Variants in PLEKHM3 observed in about 807,000 individuals in gnomAD.
The protein encoded by PLEKHM3 is pleckstrin homology domain containing M3, also known as pleckstrin homology domain-containing family M member 3.
Under a neutral mutation model 81.8 loss-of-function variants are expected in PLEKHM3, and 45 were observed. The observed-to-expected ratio is 0.55, with a 90% CI of 0.43 to 0.71. The LOEUF (loss-of-function observed/expected upper bound fraction) is 0.71. Ranked by LOEUF, PLEKHM3 falls within the 30% of genes least tolerant of loss-of-function variation. The pLI is 0.00. For synonymous variants in PLEKHM3, 352 were observed against 356.4 expected (o/e 0.99, Z 0.14); for missense variants, 788 against 924.3 (o/e 0.85, Z 1.91).
intron 7 of PLEKHM3, among the ~76,000 whole-genome samples, chr2:207,846,944 A>G (rs2092386470): frequency 6.6e-6 from 1 of 152,188 alleles, no homozygotes; most frequent in Admixed American, 6.5e-5. Context: ...CAAATTTTCT[A>G]TAATAAATAT....
chr2:207,873,974 T>C (rs1304235338), intron 6 of PLEKHM3, among the ~76,000 whole-genome samples: 1 of 152,216 alleles, frequency 6.6e-6, no homozygotes, highest in East Asian at 1.9e-4. Flanking sequence ...TTTATTAGCC[T>C]GTATATCATT....
At chr2:208,022,916 CT>C (rs1198850836) in intron 1 of PLEKHM3, among the ~76,000 whole-genome samples, 1 of 152,114 alleles carries the variant, frequency 6.6e-6, no homozygotes, top group African/African-American at 2.4e-5. Context: ...GGTGTTGTTT[CT>C]TATCATTTGT....
In PLEKHM3 at chr2:207,872,758, C is replaced by T. The variant is rs184951153; in HGVS notation, c.1951-11496G>A. Among the ~76,000 whole-genome samples, 446 of 152,252 alleles carry T rather than the reference C, an allele frequency of 2.9e-3. 2 individuals carry two copies. The highest frequency in any genetic ancestry group is 0.01 in the African/African-American group (424 of 41,534). The stretch of plus-strand genomic sequence containing the variant: ...AGGAGAATCACTTGAACCCGGGAGG[C>T]GGAGGTTGCAGTGAGCCAAGATCGC... On this transcript the variant is annotated intron_variant, in intron 6 of 7. Coordinates refer to ENST00000427836, the MANE Select transcript of PLEKHM3 (RefSeq NM_001080475.3).
chr2:207,935,350 G>A (rs1689715643), intron 4 of PLEKHM3, among the ~76,000 whole-genome samples: 1 of 152,198 alleles, frequency 6.6e-6, no homozygotes, highest in Non-Finnish European at 1.5e-5. Context: ...TGCACATGAT[G>A]CATGGGCGGT....
At chr2:207,855,099 A>G (rs1407296638) in intron 7 of PLEKHM3, among the ~76,000 whole-genome samples, 3 of 152,214 alleles carry the variant, frequency 2.0e-5, no homozygotes, top group African/African-American at 7.2e-5. Flanking sequence ...TTATTCTTTA[A>G]CAAAAGAAAC....
chr2:207,904,278 C>T (rs1404507922), intron 6 of PLEKHM3, among the ~76,000 whole-genome samples: 1 of 152,050 alleles, frequency 6.6e-6, no homozygotes, highest in African/African-American at 2.4e-5. Context: ...GTTTGCAGAA[C>T]AGAAATTCAC....
chr2:207,860,148 C>CGTGTGT (rs1352983342), intron 7 of PLEKHM3, among the ~76,000 whole-genome samples: 3 of 58,108 alleles, frequency 5.2e-5, no homozygotes, highest in African/African-American at 2.1e-4. Flanking sequence ...CTGAACTCTG[C>CGTGTGT]CTCTGTGTGT....
At chr2:207,921,018 T>C (rs906978529) in intron 5 of PLEKHM3, among the ~76,000 whole-genome samples, 1 of 151,986 alleles carries the variant, frequency 6.6e-6, no homozygotes, top group African/African-American at 2.4e-5. Flanking sequence ...AGAGTCATAG[T>C]TCCATTCCTT....
chr2:207,844,784 C>T (rs2092374400), intron 7 of PLEKHM3, among the ~76,000 whole-genome samples: 1 of 152,092 alleles, frequency 6.6e-6, no homozygotes, highest in South Asian at 2.1e-4. Flanking sequence ...TTTGTGGGTT[C>T]CCCAGATTTC....
intron 6 of PLEKHM3, among the ~76,000 whole-genome samples, chr2:207,897,364 C>A (rs1406579837): frequency 6.6e-6 from 1 of 152,170 alleles, no homozygotes; most frequent in Non-Finnish European, 1.5e-5. Context: ...ACAAGGTCCA[C>A]ACCTCACAGC....
At chr2:207,833,245 T>G (rs2092298675) in intron 7 of PLEKHM3, among the ~76,000 whole-genome samples, 5 of 151,982 alleles carry the variant, frequency 3.3e-5, no homozygotes, top group Admixed American at 3.3e-4. Flanking sequence ...AATCTACCAA[T>G]GTAATCATCT....
chr2:207,831,968 G>A (rs1162814817), intron 7 of PLEKHM3, among the ~76,000 whole-genome samples: 1 of 152,186 alleles, frequency 6.6e-6, no homozygotes, highest in Non-Finnish European at 1.5e-5. Context: ...TTGCCCCAGG[G>A]CAGTGATTGA....
At chr2:207,931,149 G>A (rs1384339213) in intron 4 of PLEKHM3, 30 bp from the exon 5 acceptor site, 1 of 1,569,584 alleles carries the variant, frequency 6.4e-7, no homozygotes, top group Non-Finnish European at 8.7e-7. Context: ...AGTCAGTCCT[G>A]GAGAAGCACC....
In PLEKHM3 at chr2:207,973,726, C is replaced by T. The variant is rs568328801; in HGVS notation, c.1546+2925G>A. ...TGCACTCCAACCTGGGCAACGAGAGCGAAACTCCATCTCAAAAAAAAAGAA... is the reference window on the plus strand; with the variant it reads ...TGCACTCCAACCTGGGCAACGAGAGTGAAACTCCATCTCAAAAAAAAAGAA... On this transcript the variant is annotated intron_variant, in intron 3 of 7. Coordinates refer to ENST00000427836, the MANE Select transcript of PLEKHM3 (RefSeq NM_001080475.3). Among the ~76,000 whole-genome samples, 271 of 151,390 alleles carry T rather than the reference C, an allele frequency of 1.8e-3. 3 individuals are homozygous for T. The highest frequency in any genetic ancestry group is 6.2e-3 in the East Asian group (32 of 5,152).
intron 2 of PLEKHM3, among the ~76,000 whole-genome samples, chr2:207,981,148 A>C (rs2106042831): frequency 6.6e-6 from 1 of 152,090 alleles, no homozygotes; most frequent in East Asian, 1.9e-4. Flanking sequence ...AAAAGAAAAA[A>C]AGAAAAGAAA....
chr2:207,980,446 A>G (rs1260490692), intron 2 of PLEKHM3, among the ~76,000 whole-genome samples: 1 of 152,018 alleles, frequency 6.6e-6, no homozygotes, highest in Non-Finnish European at 1.5e-5. Context: ...TTTTTTCCCC[A>G]CTCACTAAGC....
intron 6 of PLEKHM3, among the ~76,000 whole-genome samples, chr2:207,885,606 A>T (rs1338892100): frequency 6.6e-6 from 1 of 152,270 alleles, no homozygotes; most frequent in South Asian, 2.1e-4. Context: ...AAAGAAAAAT[A>T]AAAACAAAAA....
intron 6 of PLEKHM3, among the ~76,000 whole-genome samples, chr2:207,866,332 T>C (rs1179757011): frequency 6.6e-6 from 1 of 152,096 alleles, no homozygotes; most frequent in East Asian, 1.9e-4. Flanking sequence ...ATTTTTTGTA[T>C]TTTTAGTAGA....
At chr2:207,879,037 A>T (rs2092573430) in intron 6 of PLEKHM3, among the ~76,000 whole-genome samples, 1 of 152,030 alleles carries the variant, frequency 6.6e-6, no homozygotes, top group African/African-American at 2.4e-5. Context: ...TGAAACATCT[A>T]TTATGGTAAT....
Sources: allele counts gnomAD v4.1 joint callset (sites outside exome capture counted in the v4.1 genomes callset), GRCh38; gene constraint gnomAD v4.1.1; transcripts MANE v1.5; gene names NCBI Gene and HGNC (gene_info 2026-07-23, HGNC 2026-07-21).